The following FTCDNL1 variants were observed in gnomAD, a reference collection of about 807,000 sequenced individuals.
FTCDNL1 encodes the protein formiminotransferase N-terminal subdomain-containing protein.
Under a neutral mutation model 5.9 loss-of-function variants are expected in FTCDNL1, and 11 were observed. That is an observed-to-expected ratio of 1.87 (90% CI 1.18 to 3.10). The LOEUF is 3.10. FTCDNL1 is among the 30% of genes most tolerant of loss of function. The pLI, the probability that FTCDNL1 is intolerant of heterozygous loss-of-function variation, is 0.00. For missense variants in FTCDNL1, 115 were observed against 65.5 expected (o/e 1.76, Z -2.61); for synonymous variants, 58 against 24.8 (o/e 2.34, Z -3.99).
downstream of FTCDNL1, chr2:199,760,496 T>C (rs867556677): frequency 6.8e-6 from 2 of 294,280 alleles, no homozygotes; most frequent in South Asian, 5.6e-5. Context: ...TTTAACACCT[T>C]GTATATAAGA....
At chr2:199,780,499 A>G (rs1394672634) in intron 3 of FTCDNL1, among the ~76,000 whole-genome samples, 1 of 151,980 alleles carries the variant, frequency 6.6e-6, no homozygotes, top group Non-Finnish European at 1.5e-5. Flanking sequence ...TCTCTTCCTG[A>G]AAAAAAATTA....
the FTCDNL1 span, among the ~76,000 whole-genome samples, chr2:199,741,188 A>T: frequency 1.1e-4 from 17 of 152,160 alleles, no homozygotes; most frequent in African/African-American, 4.1e-4. Flanking sequence ...TAGCAGGAGG[A>T]TCGCTTGAGG....
the FTCDNL1 span, among the ~76,000 whole-genome samples, chr2:199,722,442 T>C: frequency 1.3e-5 from 2 of 152,176 alleles, no homozygotes; most frequent in Non-Finnish European, 2.9e-5. Context: ...GTTGTAGATG[T>C]GCGGTCTAAT....
At chr2:199,781,195 T>C (rs1699344460) in intron 3 of FTCDNL1, among the ~76,000 whole-genome samples, 1 of 152,222 alleles carries the variant, frequency 6.6e-6, no homozygotes, top group African/African-American at 2.4e-5. Context: ...CTCCAGGCAT[T>C]TGACCAAACA....
At chr2:199,737,825 C>G in the FTCDNL1 span, among the ~76,000 whole-genome samples, 1 of 152,180 alleles carries the variant, frequency 6.6e-6, no homozygotes, top group South Asian at 2.1e-4. Context: ...CGTAGCTGGT[C>G]CTGCCTGGGT....
At chr2:199,812,987 C>T (rs182617384) in intron 4 of FTCDNL1, among the ~76,000 whole-genome samples, 1 of 152,044 alleles carries the variant, frequency 6.6e-6, no homozygotes, top group Admixed American at 6.5e-5. Context: ...ATTGTTGAGA[C>T]CTTATGGTGA....
chr2:199,749,408 C>T, the FTCDNL1 span, among the ~76,000 whole-genome samples: 1 of 152,272 alleles, frequency 6.6e-6, no homozygotes, highest in East Asian at 1.9e-4. Context: ...ATACAATCAA[C>T]TCAATTGGAC....
chr2:199,725,537 C>T, the FTCDNL1 span, among the ~76,000 whole-genome samples: 2 of 152,218 alleles, frequency 1.3e-5, no homozygotes, highest in African/African-American at 4.8e-5. Flanking sequence ...TTTTTTCTTT[C>T]CATATTCAAT....
At chr2:199,813,539 G>A (rs896087646) in intron 4 of FTCDNL1, among the ~76,000 whole-genome samples, 1 of 152,146 alleles carries the variant, frequency 6.6e-6, no homozygotes, top group African/African-American at 2.4e-5. Context: ...TATATCTAAA[G>A]AGAAAACTTC....
intron 3 of FTCDNL1, among the ~76,000 whole-genome samples, chr2:199,824,772 A>G (rs1194791716): frequency 6.6e-6 from 1 of 152,218 alleles, no homozygotes; most frequent in Non-Finnish European, 1.5e-5. Flanking sequence ...AACATTTATC[A>G]GTTATCTCTT....
At chr2:199,797,834 A>G (rs566039356) in intron 3 of FTCDNL1, among the ~76,000 whole-genome samples, 2 of 152,238 alleles carry the variant, frequency 1.3e-5, no homozygotes, top group Admixed American at 1.3e-4. Context: ...CCAATCTGGT[A>G]GCCACAGAAC....
chr2:199,714,903 T>C, the FTCDNL1 span, among the ~76,000 whole-genome samples: 6 of 129,548 alleles, frequency 4.6e-5, no homozygotes, highest in African/African-American at 9.0e-5. Flanking sequence ...TGAGAACACA[T>C]GGACACAGGA....
chr2:199,740,015 G>A, the FTCDNL1 span, among the ~76,000 whole-genome samples: 1 of 152,286 alleles, frequency 6.6e-6, no homozygotes, highest in East Asian at 1.9e-4. Context: ...GCTGGCGAGA[G>A]TACGCATTGC....
intron 4 of FTCDNL1, among the ~76,000 whole-genome samples, chr2:199,814,655 A>G (rs542354783): frequency 6.6e-6 from 1 of 152,304 alleles, no homozygotes; most frequent in Admixed American, 6.5e-5. Flanking sequence ...TAAGTCCTTC[A>G]TGCTCCAATT....
chr2:199,692,849 G>A, the FTCDNL1 span, among the ~76,000 whole-genome samples: 2 of 152,178 alleles, frequency 1.3e-5, no homozygotes, highest in Admixed American at 6.5e-5. Flanking sequence ...AAACCAAATC[G>A]AGGCTTAATT....
At chr2:199,671,741 C>T in the FTCDNL1 span, among the ~76,000 whole-genome samples, 2 of 152,068 alleles carry the variant, frequency 1.3e-5, no homozygotes, top group African/African-American at 4.8e-5. Context: ...GCCCTGCCAG[C>T]TGGCTTTCCT....
chr2:199,743,556 G>GA, the FTCDNL1 span, among the ~76,000 whole-genome samples: 1 of 144,556 alleles, frequency 6.9e-6, no homozygotes, highest in African/African-American at 2.6e-5. Flanking sequence ...TGGAGTGGTG[G>GA]AGACTCTCCC....
chr2:199,785,040 C>A (rs2106339146), intron 3 of FTCDNL1, among the ~76,000 whole-genome samples: 1 of 152,128 alleles, frequency 6.6e-6, no homozygotes, highest in Admixed American at 6.5e-5. Context: ...ATTAGGATTT[C>A]CCAACTATAT....
chr2:199,792,348 T>G (rs1235503833), intron 3 of FTCDNL1, among the ~76,000 whole-genome samples: 1 of 152,194 alleles, frequency 6.6e-6, no homozygotes, highest in Non-Finnish European at 1.5e-5. Context: ...CCAAATCTGC[T>G]ATACCCTTCC....
Sources: allele counts gnomAD v4.1 joint callset (sites outside exome capture counted in the v4.1 genomes callset), GRCh38; gene constraint gnomAD v4.1.1; transcripts MANE v1.5; gene names NCBI Gene and HGNC (gene_info 2026-07-23, HGNC 2026-07-21).